The following CPT1A variants were observed in gnomAD, a reference collection of about 807,000 sequenced individuals.
The protein encoded by CPT1A is carnitine O-palmitoyltransferase 1, liver isoform.
In CPT1A, 64 loss-of-function variants were observed where a neutral mutation model predicts 100.8. The observed-to-expected ratio is 0.63, with a 90% confidence interval of 0.52 to 0.78. CPT1A has a LOEUF of 0.78. Ranked by LOEUF, CPT1A falls within the 30% of genes least tolerant of loss-of-function variation. The pLI is 0.00. For synonymous variants in CPT1A, 363 were observed against 396.0 expected (o/e 0.92, Z 0.99); for missense variants, 802 against 1,034.1 (o/e 0.78, Z 3.08).
Position 68,826,676 on chromosome 11 carries a change from T to C in CPT1A, c.-13-11189A>G, listed in dbSNP as rs546122171. Reference sequence around the variant, plus strand: ...TGGCGTGAACCCGGGAGCCGGAGCTTGCAGTGAGCTGAGATCAGGCTACTG... The same window carrying C: ...TGGCGTGAACCCGGGAGCCGGAGCTCGCAGTGAGCTGAGATCAGGCTACTG... On this transcript the variant is annotated intron_variant, in intron 1 of 18. Transcript: ENST00000265641. 2.3e-4 allele frequency among the ~76,000 whole-genome samples: 34 copies of C among 150,754 alleles called. No homozygotes were observed. The Admixed American group carries it at 2.3e-3, about 10-fold the overall frequency.
chr11:68,768,292 G>T (rs1228270281), intron 14 of CPT1A, among the ~76,000 whole-genome samples: 13 of 151,854 alleles, frequency 8.6e-5, no homozygotes, highest in African/African-American at 3.1e-4. Context: ...AGCCAGGATG[G>T]TCTCGATCTT....
chr11:68,776,528 T>A (rs1855145089), intron 12 of CPT1A, among the ~76,000 whole-genome samples: 1 of 152,324 alleles, frequency 6.6e-6, no homozygotes, highest in Admixed American at 6.5e-5. Flanking sequence ...AGATTAGTGG[T>A]CATCAGGAAC....
At chr11:68,773,666 G>A in intron 13 of CPT1A, 2 of 542,598 alleles carry the variant, frequency 3.7e-6, no homozygotes, top group Non-Finnish European at 3.2e-6. Context: ...CCAGGAGAGG[G>A]CTTCCTCCGA....
At chr11:68,797,929 G>A (rs1219925991) in intron 6 of CPT1A, among the ~76,000 whole-genome samples, 2 of 152,200 alleles carry the variant, frequency 1.3e-5, no homozygotes, top group Non-Finnish European at 2.9e-5. Context: ...AGTGAGCCGA[G>A]ATCGCTCCAC....
At chr11:68,817,750 T>TGGG (rs113196178) in intron 1 of CPT1A, among the ~76,000 whole-genome samples, 3 of 31,582 alleles carry the variant, frequency 9.5e-5, no homozygotes, top group African/African-American at 3.5e-4. Context: ...GACAGGCTGT[T>TGGG]GGGGGGGGGT....
chr11:68,809,807 A>G (rs575453486), intron 3 of CPT1A, among the ~76,000 whole-genome samples: 1 of 152,374 alleles, frequency 6.6e-6, no homozygotes, highest in Non-Finnish European at 1.5e-5. Flanking sequence ...ACAAAGACCC[A>G]GATTATTAAG....
rs373787299 is a variant in CPT1A at position 68,766,998 on chromosome 11, C to T, written c.1741-4237G>A. Among the ~76,000 whole-genome samples the T allele has an allele frequency of 1.0e-3, 152 of 152,296 alleles. 4 individuals carry two copies. The South Asian group carries it at 0.029, about 29-fold the overall frequency. ...TCTCTGTGGCGACTACTCCGCTCTC[C>T]CACTGGAGTGAGAACAGCACAGACA... On this transcript the variant is annotated intron_variant, in intron 14 of 18. Transcript: ENST00000265641.
intron 14 of CPT1A, among the ~76,000 whole-genome samples, chr11:68,765,875 A>G (rs1854783488): frequency 2.0e-5 from 3 of 146,544 alleles, no homozygotes; most frequent in African/African-American, 7.8e-5. Flanking sequence ...GGGAGGGGCT[A>G]CCTTTTTTTT....
In CPT1A at chr11:68,757,340, C is replaced by T; in HGVS notation, c.*304G>A. The T allele has an allele frequency of 2.4e-6, 3 of 1,267,980 alleles. No individual in the cohort carries two copies. Among genetic ancestry groups the T allele is most frequent in the Non-Finnish European group, 3.0e-6 (3 of 997,270 alleles). 78.5% of individuals were successfully genotyped at this position (1,267,980 alleles called of 1,614,324 possible). A position where few individuals can be genotyped will look rare whatever the true frequency, so the allele number is the denominator to read the frequency against. ...TTCCACTGTGTGTGAAGCCACAACC[C>T]TACTAATTCCTTCATTAACTCAACA... On this transcript the variant is annotated 3_prime_UTR_variant, in exon 19 of 19. Coordinates refer to ENST00000265641, the MANE Select transcript of CPT1A (RefSeq NM_001876.4).
chr11:68,787,224 C>G (rs1855488584), intron 9 of CPT1A, among the ~76,000 whole-genome samples: 1 of 151,298 alleles, frequency 6.6e-6, no homozygotes, highest in African/African-American at 2.4e-5. Context: ...ATCACGAGGT[C>G]AGGAGATCAA....
At position 68,784,994 on chromosome 11, in the gene CPT1A, C is replaced by T; in HGVS notation, c.984G>A (p.Met328Ile). Residue 328 changes from methionine to isoleucine, a missense_variant, in exon 10 of 19, where the codon ATG (methionine) becomes ATA (isoleucine). Around this residue, in one of 4 missense-constraint regions of CPT1A, gnomAD observed 627 missense variants for 799.3 expected, o/e 0.78. Transcript: ENST00000265641. ...PGEETDTIQH[M>I]RDSKHIVVYH... ...ACACGACGATGTGCTTGCTGTCTCT[C>T]ATGTGCTGGATGGTGTCTGAGCCGG... The T allele has an allele frequency of 6.2e-7, 1 of 1,613,852 alleles. No homozygotes were observed. The highest frequency in any genetic ancestry group is 8.5e-7 in the Non-Finnish European group (1 of 1,180,018).
At chr11:68,776,353 T>C (rs1855138996) in intron 12 of CPT1A, among the ~76,000 whole-genome samples, 1 of 152,196 alleles carries the variant, frequency 6.6e-6, no homozygotes, top group South Asian at 2.1e-4. Context: ...GAGTCATGAC[T>C]GTGCCACTGC....
chr11:68,835,067 GATAA>G (rs1331527229), intron 1 of CPT1A, among the ~76,000 whole-genome samples: 1 of 151,806 alleles, frequency 6.6e-6, no homozygotes, highest in Non-Finnish European at 1.5e-5. Flanking sequence ...GTAATGGTTA[GATAA>G]ATACAGACAA....
intron 13 of CPT1A, among the ~76,000 whole-genome samples, chr11:68,775,012 C>T (rs1855105629): frequency 6.6e-6 from 1 of 151,992 alleles, no homozygotes; most frequent in Non-Finnish European, 1.5e-5. Flanking sequence ...GTGATTTTGG[C>T]TTTTAGTTTT....
intron 1 of CPT1A, among the ~76,000 whole-genome samples, chr11:68,834,084 G>C (rs567578251): frequency 1.9e-4 from 29 of 152,312 alleles, no homozygotes; most frequent in African/African-American, 7.0e-4. Context: ...CTGTACTGAA[G>C]TTTATCATAA....
At chr11:68,763,244 G>C (rs1370034562) in intron 14 of CPT1A, among the ~76,000 whole-genome samples, 12 of 152,136 alleles carry the variant, frequency 7.9e-5, no homozygotes. Flanking sequence ...AGGGCCTGGT[G>C]GAGGTGGGTC....
At chr11:68,772,091 C>T (rs1855004964) in intron 14 of CPT1A, among the ~76,000 whole-genome samples, 1 of 152,222 alleles carries the variant, frequency 6.6e-6, no homozygotes, top group African/African-American at 2.4e-5. Flanking sequence ...GTGGCTCACG[C>T]CTATAATCCC....
At chr11:68,800,899 G>A (rs1259283332) in intron 5 of CPT1A, among the ~76,000 whole-genome samples, 1 of 152,064 alleles carries the variant, frequency 6.6e-6, no homozygotes, top group Non-Finnish European at 1.5e-5. Context: ...AGGACTGCTT[G>A]AGCCCAGGAG....
chr11:68,824,321 G>A (rs1856667366), intron 1 of CPT1A, among the ~76,000 whole-genome samples: 1 of 151,566 alleles, frequency 6.6e-6, no homozygotes, highest in South Asian at 2.1e-4. Flanking sequence ...AAGGGAGGCA[G>A]CAGGGCAAGG....
Sources: gnomAD v4.1 joint callset for allele counts (sites outside exome capture counted in the v4.1 genomes callset) on GRCh38, gnomAD v4.1.1 for gene constraint, gnomAD v4.1.1 regional missense constraint, MANE v1.5 for transcripts, NCBI Gene and HGNC (gene_info 2026-07-23, HGNC 2026-07-21) for gene names.